UGT1A8: variants seen among roughly 807,000 people sequenced by gnomAD.
UGT1A8 encodes the protein UDP glucuronosyltransferase family 1 member A8, also known as UDP-glucuronosyltransferase 1A8.
UGT1A8 carries 39 observed loss-of-function variants against 45.3 expected under a neutral mutation model. The observed-to-expected ratio is 0.86, with a 90% CI of 0.67 to 1.12. The LOEUF (loss-of-function observed/expected upper bound fraction) is 1.12. UGT1A8 is among the 50% of genes most tolerant of loss of function. UGT1A8 has a pLI of 0.00. For synonymous variants in UGT1A8, 275 were observed against 249.2 expected (o/e 1.10, Z -0.97); for missense variants, 719 against 664.9 (o/e 1.08, Z -0.90).
At chr2:233,752,726 CAGAG>C in intron 1 of UGT1A8, among the ~76,000 whole-genome samples, 1 of 152,282 alleles carries the variant, frequency 6.6e-6, no homozygotes, top group East Asian at 1.9e-4. Context: ...GCAACAGCTA[CAGAG>C]AGAGACCCTG....
At chr2:233,745,540 A>C (rs952908361) in intron 1 of UGT1A8, among the ~76,000 whole-genome samples, 1 of 151,766 alleles carries the variant, frequency 6.6e-6, no homozygotes, top group African/African-American at 2.4e-5. Flanking sequence ...TTATGTCACC[A>C]GAACAAACTT....
intron 1 of UGT1A8, among the ~76,000 whole-genome samples, chr2:233,695,531 T>C (rs988065073): frequency 7.9e-5 from 12 of 152,050 alleles, no homozygotes; most frequent in Admixed American, 7.9e-4. Flanking sequence ...TTCTTTTTTC[T>C]TTTTCTTTTT....
intron 1 of UGT1A8, chr2:233,690,630 C>A (rs918376019): frequency 4.7e-5 from 61 of 1,288,334 alleles, no homozygotes; most frequent in Non-Finnish European, 6.1e-5. Context: ...TCAAGTGATA[C>A]CTGAGGACAC....
intron 1 of UGT1A8, among the ~76,000 whole-genome samples, chr2:233,689,550 G>A (rs2074949714): frequency 6.6e-6 from 1 of 152,232 alleles, no homozygotes; most frequent in Non-Finnish European, 1.5e-5. Context: ...GCAGGTCATA[G>A]GTGAATTCAG....
intron 1 of UGT1A8, among the ~76,000 whole-genome samples, chr2:233,652,389 C>T (rs910379402): frequency 2.0e-5 from 3 of 152,026 alleles, no homozygotes; most frequent in Non-Finnish European, 4.4e-5. Flanking sequence ...CATGTATCTG[C>T]TCTTTTGTTC....
rs923317009 is a variant in UGT1A8, at chr2:233,730,111, C to T, written c.856-36923C>T. On this transcript the variant is annotated intron_variant, in intron 1 of 4. Transcript: ENST00000373450. ...CTTTCCAAATATTTCATTTCTGCTT[C>T]TCCTTGTCATAATAGCCTTCAGTGA... The T allele has an allele frequency of 2.6e-6, 4 of 1,566,198 alleles. No individual in the cohort carries two copies. In the African/African-American group the frequency reaches 4.1e-5, roughly 16 times the overall value.
intron 1 of UGT1A8, among the ~76,000 whole-genome samples, chr2:233,699,729 G>A (rs1012427185): frequency 1.3e-5 from 2 of 152,116 alleles, no homozygotes; most frequent in African/African-American, 4.8e-5. Context: ...TTTACGGAGC[G>A]TTTTCCCAGA....
intron 1 of UGT1A8, among the ~76,000 whole-genome samples, chr2:233,622,340 CCCA>C (rs2073023805): frequency 6.6e-6 from 1 of 152,204 alleles, no homozygotes; most frequent in African/African-American, 2.4e-5. Context: ...AATTTACACT[CCCA>C]CCAACAGGGT....
chr2:233,634,135 A>G (rs1284871666), intron 1 of UGT1A8, among the ~76,000 whole-genome samples: 1 of 152,174 alleles, frequency 6.6e-6, no homozygotes, highest in Non-Finnish European at 1.5e-5. Flanking sequence ...GAGTTTCTTA[A>G]TCCCGAGTTC....
rs4124874 is a variant in UGT1A8, at chr2:233,757,013, T to G, written c.856-10021T>G. On this transcript the variant is annotated intron_variant, in intron 1 of 4. Coordinates refer to ENST00000373450, the MANE Select transcript of UGT1A8 (RefSeq NM_019076.5). ...AAGCTGGCCAAGGGTAGAGTTCAGT[T>G]TGAACAAAGCAATTTGAGAACATCA... Among the ~76,000 whole-genome samples the G allele has an allele frequency of 0.56, 83,838 of 151,034 alleles. 25,476 individuals are homozygous for G. The highest frequency in any genetic ancestry group is 0.82 in the African/African-American group (33,726 of 41,116).
At position 233,769,913 on chromosome 2, in the gene UGT1A8, C is replaced by A. The variant is rs1699980310; in HGVS notation, c.1295+1474C>A. The A allele has an allele frequency of 6.7e-6, 2 of 297,578 alleles. No homozygotes were observed. The highest frequency in any genetic ancestry group is 2.1e-5 in the African/African-American group (1 of 46,750). The allele number at this position is 297,578 out of a possible 1,614,324, so 18.4% of individuals were successfully genotyped here. A position where few individuals can be genotyped will look rare whatever the true frequency, so the allele number is the denominator to read the frequency against. On this transcript the variant is annotated intron_variant, in intron 4 of 4. Coordinates refer to ENST00000373450, the MANE Select transcript of UGT1A8 (RefSeq NM_019076.5). This position sits in a 1 kb window ranked among gnomAD's most constrained non-coding sequence, Gnocchi z 4.4. ...TAACCTGAGCATCATGTGCCCAGAG[C>A]GTTGGGTGGTGTGGTCCCATTCCTT... is the stretch of plus-strand genomic sequence containing the variant.
intron 1 of UGT1A8, among the ~76,000 whole-genome samples, chr2:233,626,391 T>C (rs2073084140): frequency 6.6e-6 from 1 of 152,100 alleles, no homozygotes; most frequent in African/African-American, 2.4e-5. Context: ...TCAGGTCATC[T>C]ATTAATTCCT....
At chr2:233,701,706 A>G (rs1450486741) in intron 1 of UGT1A8, among the ~76,000 whole-genome samples, 2 of 152,228 alleles carry the variant, frequency 1.3e-5, no homozygotes, top group African/African-American at 4.8e-5. Flanking sequence ...AAAACCGCTC[A>G]ACTACATGGA....
intron 1 of UGT1A8, among the ~76,000 whole-genome samples, chr2:233,702,130 C>T (rs1460341129): frequency 2.0e-5 from 3 of 152,142 alleles, no homozygotes; most frequent in South Asian, 2.1e-4. Context: ...CATTTTCAGT[C>T]ACTCCCAAAG....
chr2:233,635,750 T>A (rs2125457762), intron 1 of UGT1A8, among the ~76,000 whole-genome samples: 1 of 150,996 alleles, frequency 6.6e-6, no homozygotes, highest in African/African-American at 2.4e-5. Context: ...AAGAGGTCAC[T>A]GGAGTGATGG....
intron 1 of UGT1A8, among the ~76,000 whole-genome samples, chr2:233,627,650 TTCCTTC>T (rs2073111355): frequency 6.7e-6 from 1 of 148,732 alleles, no homozygotes; most frequent in Non-Finnish European, 1.5e-5. Context: ...CCTTCCTTCC[TTCCTTC>T]CTTCCTTCCT....
intron 1 of UGT1A8, among the ~76,000 whole-genome samples, chr2:233,716,209 T>C (rs1427806327): frequency 6.6e-6 from 1 of 152,234 alleles, no homozygotes; most frequent in Non-Finnish European, 1.5e-5. Flanking sequence ...TCTCTTTCAC[T>C]TGCAAGAGCC....
At chr2:233,655,359 G>A (rs1026962388) in intron 1 of UGT1A8, among the ~76,000 whole-genome samples, 5 of 152,100 alleles carry the variant, frequency 3.3e-5, no homozygotes, top group East Asian at 1.9e-4. Context: ...GAAGTCTCAC[G>A]TCCTGGGAGA....
At chr2:233,672,552 AGTACG>A (rs2074230618) in intron 1 of UGT1A8, 1 of 1,613,814 alleles carries the variant, frequency 6.2e-7, no homozygotes, top group African/African-American at 1.3e-5. Flanking sequence ...TCAAGGAGAG[AGTACG>A]GAACCACATC....
Sources: allele counts gnomAD v4.1 joint callset (sites outside exome capture counted in the v4.1 genomes callset), GRCh38; gene constraint gnomAD v4.1.1; non-coding constraint Gnocchi (gnomAD v3.1); transcripts MANE v1.5; gene names NCBI Gene and HGNC (gene_info 2026-07-23, HGNC 2026-07-21).